Variants in TBC1D32 observed in about 807,000 individuals in gnomAD.
TBC1D32 encodes protein broad-minded.
Under a neutral mutation model 170.3 loss-of-function variants are expected in TBC1D32, and 151 were observed. The observed-to-expected ratio is 0.89, with a 90% CI of 0.78 to 1.01. TBC1D32 has a LOEUF of 1.01. Ranked by LOEUF, TBC1D32 falls within the 50% of genes least tolerant of loss-of-function variation. The pLI, the probability that TBC1D32 is intolerant of heterozygous loss-of-function variation, is 0.00. For synonymous variants in TBC1D32, 498 were observed against 488.0 expected (o/e 1.02, Z -0.27); for missense variants, 1,464 against 1,457.1 (o/e 1.00, Z -0.08).
intron 30 of TBC1D32, among the ~76,000 whole-genome samples, chr6:121,095,337 T>A (rs925654825): frequency 2.0e-5 from 3 of 152,172 alleles, no homozygotes; most frequent in Non-Finnish European, 2.9e-5. Flanking sequence ...AAATTATTCC[T>A]CCTTGTAACT....
At chr6:121,226,202 G>A (rs562697341) in intron 20 of TBC1D32, among the ~76,000 whole-genome samples, 5 of 152,160 alleles carry the variant, frequency 3.3e-5, no homozygotes, top group African/African-American at 9.6e-5. Flanking sequence ...AGGAATAAAG[G>A]CATGGTCCCT....
At chr6:121,300,781 A>C (rs1311331355) in intron 9 of TBC1D32, among the ~76,000 whole-genome samples, 1 of 152,214 alleles carries the variant, frequency 6.6e-6, no homozygotes, top group Non-Finnish European at 1.5e-5. Flanking sequence ...AATTTTTGCA[A>C]TCTATCCATC....
At chr6:121,149,221 G>A (rs1783884738) in intron 24 of TBC1D32, among the ~76,000 whole-genome samples, 1 of 152,076 alleles carries the variant, frequency 6.6e-6, no homozygotes, top group Admixed American at 6.5e-5. Flanking sequence ...TGTTCACTCT[G>A]ATGATAGTTT....
chr6:121,264,124 AG>A (rs1170799807), intron 15 of TBC1D32, among the ~76,000 whole-genome samples: 4 of 152,140 alleles, frequency 2.6e-5, no homozygotes, highest in African/African-American at 9.7e-5. Context: ...AAAACCCTTC[AG>A]AAAAAATCAA....
chr6:121,110,258 A>AG, intron 29 of TBC1D32, among the ~76,000 whole-genome samples: 1 of 148,972 alleles, frequency 6.7e-6, no homozygotes, highest in East Asian at 1.9e-4. Context: ...CTCAAAAAAA[A>AG]AAAAATTTTA....
chr6:121,207,558 A>C (rs2128307457), intron 21 of TBC1D32, among the ~76,000 whole-genome samples: 1 of 152,250 alleles, frequency 6.6e-6, no homozygotes, highest in East Asian at 1.9e-4. Context: ...AAAAAACAAA[A>C]CTCCTGGGAA....
At chr6:121,188,839 G>C (rs1789558201) in intron 22 of TBC1D32, among the ~76,000 whole-genome samples, 1 of 152,086 alleles carries the variant, frequency 6.6e-6, no homozygotes, top group Non-Finnish European at 1.5e-5. Flanking sequence ...ATCTTCTCTA[G>C]CTGCTCTGCC....
intron 20 of TBC1D32, among the ~76,000 whole-genome samples, chr6:121,230,650 T>TAC (rs1370082058): frequency 1.3e-5 from 2 of 150,492 alleles, no homozygotes; most frequent in Admixed American, 6.6e-5. Flanking sequence ...ATCTGATATA[T>TAC]ATATATACAT....
At chr6:121,255,018 C>G (rs1392365011) in intron 17 of TBC1D32, among the ~76,000 whole-genome samples, 1 of 152,020 alleles carries the variant, frequency 6.6e-6, no homozygotes, top group African/African-American at 2.4e-5. Context: ...CTACTAAACT[C>G]TCCAGTTAAC....
intron 10 of TBC1D32, among the ~76,000 whole-genome samples, chr6:121,298,465 C>A (rs938603388): frequency 6.6e-6 from 1 of 151,984 alleles, no homozygotes; most frequent in Non-Finnish European, 1.5e-5. Flanking sequence ...TGGGGAAAAT[C>A]ATCCTGTTCT....
At chr6:121,240,517 A>C (rs1162768220) in intron 19 of TBC1D32, among the ~76,000 whole-genome samples, 1 of 151,714 alleles carries the variant, frequency 6.6e-6, no homozygotes, top group East Asian at 1.9e-4. Flanking sequence ...TTATAATTCA[A>C]CTCTAAGCCT....
intron 31 of TBC1D32, among the ~76,000 whole-genome samples, chr6:121,082,000 T>C (rs1011100138): frequency 6.6e-6 from 1 of 152,094 alleles, no homozygotes; most frequent in Non-Finnish European, 1.5e-5. Context: ...ATATACTTAA[T>C]ACCATTAAGG....
intron 17 of TBC1D32, among the ~76,000 whole-genome samples, chr6:121,254,735 A>G (rs1798746632): frequency 6.6e-6 from 1 of 152,122 alleles, no homozygotes; most frequent in South Asian, 2.1e-4. Context: ...ATTTTAGACT[A>G]TGCCAATATT....
chr6:121,282,408 A>G (rs1411042271), intron 13 of TBC1D32, among the ~76,000 whole-genome samples: 1 of 151,738 alleles, frequency 6.6e-6, no homozygotes, highest in Non-Finnish European at 1.5e-5. Context: ...AAGATACAAC[A>G]CTTTAGTATT....
In TBC1D32 at chr6:121,279,203, C is replaced by T. The variant is rs991717579; in HGVS notation, c.1651G>A (p.Gly551Ser). 6.2e-7 allele frequency: 1 copy of T among 1,611,228 alleles called. No homozygotes were observed. Among genetic ancestry groups the T allele is most frequent in the African/African-American group, 1.3e-5 (1 of 74,748 alleles). The change falls in exon 15 of 32, where the codon GGT becomes AGT. Residue 551 changes from glycine to serine, a missense_variant. By Grantham distance (56) the Gly-to-Ser change is moderately conservative. Around this residue, in one of 3 missense-constraint regions of TBC1D32, gnomAD observed 1,363 missense variants for 1,338.1 expected, o/e 1.02. Transcript: ENST00000398212. Reference sequence around the variant, plus strand: ...ACAGATGCAATTCTTGCCAAAATACCAGCTATATGAATTAAAGCTGTCTCA... The same window carrying T: ...ACAGATGCAATTCTTGCCAAAATACTAGCTATATGAATTAAAGCTGTCTCA... ...CSETALIHIAGILARIASVEE... is the reference protein window; with the variant it reads ...CSETALIHIASILARIASVEE...
At chr6:121,324,243 C>T (rs574973744) in intron 1 of TBC1D32, among the ~76,000 whole-genome samples, 1 of 152,020 alleles carries the variant, frequency 6.6e-6, no homozygotes, top group Non-Finnish European at 1.5e-5. Context: ...CATATCTTTA[C>T]CAATTTGTAA....
Position 121,113,124 on chromosome 6 carries a change from CAG to C in TBC1D32, c.3105_3106del (p.Trp1036GlyfsTer6). 1 of 1,611,838 alleles carries C rather than the reference CAG, an allele frequency of 6.2e-7. No individual in the cohort carries two copies. The highest frequency in any genetic ancestry group is 8.5e-7 in the Non-Finnish European group (1 of 1,179,098). ...GAATCTCTCACAATGCTTTAAAACC[CAG>C]GTAAGATCATTTTCTGCACCATCTT... On this transcript the variant is annotated frameshift_variant, in exon 28 of 32. Coordinates refer to ENST00000398212, the MANE Select transcript of TBC1D32 (RefSeq NM_152730.6). LOFTEE classifies it high-confidence loss of function.
At chr6:121,256,010 T>C in intron 16 of TBC1D32, 74 bp downstream of exon 16, 1 of 1,301,354 alleles carries the variant, frequency 7.7e-7, no homozygotes, top group South Asian at 1.4e-5. Context: ...TCATCCAAAG[T>C]ACAACACTAT....
intron 20 of TBC1D32, among the ~76,000 whole-genome samples, chr6:121,226,183 G>A (rs144889759): frequency 8.1e-4 from 123 of 152,176 alleles, no homozygotes; most frequent in Admixed American, 2.9e-3. Context: ...AAATGCTAAC[G>A]ATAAAAATAG....
Sources: allele counts gnomAD v4.1 joint callset (sites outside exome capture counted in the v4.1 genomes callset), GRCh38; gene constraint gnomAD v4.1.1; regional missense constraint gnomAD v4.1.1; transcripts MANE v1.5; gene names NCBI Gene and HGNC (gene_info 2026-07-23, HGNC 2026-07-21).